MSRB3: variants seen among roughly 807,000 people sequenced by gnomAD.
MSRB3 encodes methionine-R-sulfoxide reductase B3.
Under a neutral mutation model 21.0 loss-of-function variants are expected in MSRB3, and 13 were observed. The observed-to-expected ratio is 0.62, with a 90% confidence interval of 0.40 to 0.98. The LOEUF is 0.98. MSRB3 is among the 50% of genes least tolerant of loss of function. MSRB3 has a pLI of 0.00. For missense variants in MSRB3, 199 were observed against 230.3 expected (o/e 0.86, Z 0.88); for synonymous variants, 87 against 88.6 (o/e 0.98, Z 0.10).
intron 4 of MSRB3, among the ~76,000 whole-genome samples, chr12:65,333,068 G>A (rs1471437519): frequency 3.3e-5 from 5 of 152,274 alleles, no homozygotes; most frequent in Non-Finnish European, 7.4e-5. Flanking sequence ...ACTTCATAAA[G>A]TGAATTTATT....
chr12:65,331,105 G>GT (rs893467642), intron 4 of MSRB3, among the ~76,000 whole-genome samples: 12 of 152,042 alleles, frequency 7.9e-5, no homozygotes, highest in Admixed American at 6.6e-5. Context: ...TTACGTATGT[G>GT]TAAAGTACAC....
intron 5 of MSRB3, among the ~76,000 whole-genome samples, chr12:65,387,641 G>A (rs937741795): frequency 4.6e-5 from 7 of 151,988 alleles, no homozygotes; most frequent in African/African-American, 1.7e-4. Flanking sequence ...ATGTAACTTG[G>A]GGCATATAAT....
intron 5 of MSRB3, among the ~76,000 whole-genome samples, chr12:65,387,172 T>TA (rs1004456839): frequency 1.3e-5 from 2 of 151,902 alleles, no homozygotes; most frequent in African/African-American, 4.8e-5. Flanking sequence ...CAAGGGGAAA[T>TA]AAAAAAATCA....
At chr12:65,403,729 G>T (rs1262480904) in intron 5 of MSRB3, among the ~76,000 whole-genome samples, 3 of 152,214 alleles carry the variant, frequency 2.0e-5, no homozygotes, top group Non-Finnish European at 4.4e-5. Flanking sequence ...CAGGGCTCTG[G>T]TGGTGTAGGC....
intron 5 of MSRB3, among the ~76,000 whole-genome samples, chr12:65,380,991 C>T (rs1363732796): frequency 6.6e-6 from 1 of 152,112 alleles, no homozygotes; most frequent in East Asian, 1.9e-4. Flanking sequence ...GAAATTTTCT[C>T]CCCCTCCAAG....
chr12:65,300,289 A>T (rs111458133), intron 1 of MSRB3, among the ~76,000 whole-genome samples: 138 of 152,332 alleles, frequency 9.1e-4, no homozygotes, highest in African/African-American at 3.1e-3. Context: ...GCTCTGAGTG[A>T]TCAAAGTCAA....
At chr12:65,432,524 C>T (rs898441078) in intron 5 of MSRB3, among the ~76,000 whole-genome samples, 3 of 152,004 alleles carry the variant, frequency 2.0e-5, no homozygotes, top group Non-Finnish European at 4.4e-5. Flanking sequence ...TATATCCCCT[C>T]CTAGCTCTTC....
chr12:65,333,532 G>A (rs1433672694), intron 4 of MSRB3, among the ~76,000 whole-genome samples: 1 of 152,180 alleles, frequency 6.6e-6, no homozygotes, highest in Non-Finnish European at 1.5e-5. Context: ...GGAGTGGGAA[G>A]GTGGGTTATG....
At chr12:65,354,225 AG>A (rs1877237438) in intron 4 of MSRB3, among the ~76,000 whole-genome samples, 1 of 151,842 alleles carries the variant, frequency 6.6e-6, no homozygotes, top group African/African-American at 2.4e-5. Context: ...CTTCTCGAAG[AG>A]TATCTTTGTG....
intron 4 of MSRB3, among the ~76,000 whole-genome samples, chr12:65,364,531 C>T (rs937707474): frequency 6.6e-6 from 1 of 151,998 alleles, no homozygotes; most frequent in Non-Finnish European, 1.5e-5. Flanking sequence ...ATTTTGTATC[C>T]CTACCATCTA....
intron 5 of MSRB3, among the ~76,000 whole-genome samples, chr12:65,377,197 T>C (rs554911368): frequency 6.6e-6 from 1 of 152,350 alleles, no homozygotes; most frequent in African/African-American, 2.4e-5. Flanking sequence ...GCAGTAGTTA[T>C]TTGTGTGGAT....
intron 5 of MSRB3, among the ~76,000 whole-genome samples, chr12:65,384,234 A>G (rs978499500): frequency 2.0e-5 from 3 of 152,298 alleles, no homozygotes; most frequent in Non-Finnish European, 2.9e-5. Context: ...TTACTGGTAG[A>G]TTTAATAATT....
intron 2 of MSRB3, among the ~76,000 whole-genome samples, chr12:65,318,047 C>A (rs539594711): frequency 2.8e-4 from 43 of 151,978 alleles, no homozygotes; most frequent in African/African-American, 9.9e-4. Context: ...CGTGTCAGGG[C>A]AAGACATGGC....
chr12:65,354,252 C>T lies in MSRB3; in HGVS notation c.264-14746C>T, dbSNP rs531258781. ...TATCTTTGTGGCATTCTCTGTATTT[C>T]CTGAATCTGAATGTTGGCGTGCCCT... On this transcript the variant is annotated intron_variant, in intron 4 of 6. Transcript: ENST00000308259. Among the ~76,000 whole-genome samples the T allele has an allele frequency of 1.1e-4, 16 of 152,022 alleles. 1 individual carries two copies. The South Asian group carries it at 1.7e-3, about 16-fold the overall frequency.
chr12:65,308,782 C>T (rs931381079), intron 2 of MSRB3, 127 bp downstream of exon 2: 36 of 1,302,376 alleles, frequency 2.8e-5, no homozygotes, highest in Admixed American at 1.5e-4. Context: ...AATTTGAAGA[C>T]GGAAATTGGT....
chr12:65,320,305 G>A (rs748886843), intron 2 of MSRB3, among the ~76,000 whole-genome samples: 8 of 152,120 alleles, frequency 5.3e-5, no homozygotes, highest in Non-Finnish European at 8.8e-5. Flanking sequence ...TGTGTGTTAT[G>A]TTTAGGGCTT....
intron 4 of MSRB3, among the ~76,000 whole-genome samples, chr12:65,353,038 A>T (rs1388649749): frequency 1.3e-5 from 2 of 152,176 alleles, no homozygotes; most frequent in Admixed American, 1.3e-4. Context: ...ACAAAGCTTT[A>T]GTGATTTTCT....
At chr12:65,419,812 C>A in intron 5 of MSRB3, 5 of 897,800 alleles carry the variant, frequency 5.6e-6, no homozygotes, top group Middle Eastern at 5.0e-4. Flanking sequence ...CCTGCCAGAC[C>A]CCTAGCCATC....
chr12:65,348,371 A>G (rs1026800806), intron 4 of MSRB3, among the ~76,000 whole-genome samples: 2 of 152,148 alleles, frequency 1.3e-5, no homozygotes, highest in African/African-American at 4.8e-5. Context: ...GTTTATTTGC[A>G]TAGAGGTGTT....
Sources: allele counts gnomAD v4.1 joint callset (sites outside exome capture counted in the v4.1 genomes callset), GRCh38; gene constraint gnomAD v4.1.1; transcripts MANE v1.5; gene names NCBI Gene and HGNC (gene_info 2026-07-23, HGNC 2026-07-21).